Variants in SLC8A1 observed in about 807,000 individuals in gnomAD.
SLC8A1 encodes sodium/calcium exchanger 1.
A neutral mutation model predicts 68.3 loss-of-function variants in SLC8A1; 18 were observed. That is an observed-to-expected ratio of 0.26 (90% confidence interval 0.18 to 0.39). The LOEUF is 0.39. Ranked by LOEUF, SLC8A1 falls within the 10% of genes least tolerant of loss-of-function variation. The probability of loss-of-function intolerance (pLI) is 1.00; values close to 1 mark genes in which losing one functional copy is unlikely to be tolerated. For missense variants in SLC8A1, 985 were observed against 1,156.7 expected, an observed-to-expected ratio of 0.85 and a Z score of 2.15; for synonymous variants, 475 against 415.5, an observed-to-expected ratio of 1.14 and a Z score of -1.74.
Position 40,509,953 on chromosome 2 carries a change from G to A in SLC8A1, c.-25+2396C>T, listed in dbSNP as rs113380621. 7.9e-3 allele frequency among the ~76,000 whole-genome samples: 1,202 copies of A among 151,730 alleles called. 18 individuals carry two copies. The highest frequency in any genetic ancestry group is 0.028 in the African/African-American group (1,144 of 41,382). ...AGCGATTCTCCTGCCTCAGCCTCCC[G>A]AGTAGCTGGGATTACAGGCATGCAC... On this transcript the variant is annotated intron_variant, in intron 1 of 7. Coordinates refer to the SLC8A1 transcript ENST00000402441.
chr2:40,346,809 C>T (rs1669497707), intron 2 of SLC8A1, among the ~76,000 whole-genome samples: 1 of 152,118 alleles, frequency 6.6e-6, no homozygotes, highest in East Asian at 1.9e-4. Flanking sequence ...GCTCAATGAT[C>T]TTTCTAGTTT....
At chr2:40,238,853 C>T (rs2060813299) in intron 2 of SLC8A1, among the ~76,000 whole-genome samples, 1 of 151,910 alleles carries the variant, frequency 6.6e-6, no homozygotes, top group Non-Finnish European at 1.5e-5. Context: ...CTGAAAGTAA[C>T]AATGTAGGTA....
chr2:40,192,263 C>T (rs1488113872), intron 2 of SLC8A1, among the ~76,000 whole-genome samples: 2 of 151,758 alleles, frequency 1.3e-5, no homozygotes, highest in African/African-American at 2.4e-5. Context: ...ATATATGGGG[C>T]ATTAATATGA....
At chr2:40,470,768 G>A (rs1032542803) in intron 1 of SLC8A1, among the ~76,000 whole-genome samples, 31 of 151,678 alleles carry the variant, frequency 2.0e-4, no homozygotes, top group African/African-American at 7.5e-4. Context: ...CTTTCATTAA[G>A]ACTTAATTTT....
intron 2 of SLC8A1, among the ~76,000 whole-genome samples, chr2:40,341,684 C>G (rs1336233379): frequency 6.6e-6 from 1 of 152,134 alleles, no homozygotes; most frequent in Non-Finnish European, 1.5e-5. Flanking sequence ...ACCTGCTTCT[C>G]AAGGCTGTTT....
intron 2 of SLC8A1, among the ~76,000 whole-genome samples, chr2:40,190,988 TA>T (rs774357032): frequency 1.3e-5 from 2 of 152,002 alleles, no homozygotes; most frequent in Non-Finnish European, 2.9e-5. Flanking sequence ...TTTAAAGGAA[TA>T]TTCATTTTCT....
intron 2 of SLC8A1, among the ~76,000 whole-genome samples, chr2:40,215,149 T>C (rs2148803611): frequency 6.6e-6 from 1 of 152,278 alleles, no homozygotes; most frequent in East Asian, 1.9e-4. Context: ...AAGAGCTCAA[T>C]ATATGCTAAT....
chr2:40,476,640 A>C (rs953889406), intron 1 of SLC8A1, among the ~76,000 whole-genome samples: 2 of 152,296 alleles, frequency 1.3e-5, no homozygotes, highest in African/African-American at 4.8e-5. Flanking sequence ...TAATTTCCTG[A>C]GGTCAGAAGA....
intron 1 of SLC8A1, among the ~76,000 whole-genome samples, chr2:40,471,708 G>A (rs1022204372): frequency 3.3e-5 from 5 of 152,064 alleles, no homozygotes; most frequent in Non-Finnish European, 5.9e-5. Flanking sequence ...AAAGTTGACA[G>A]GAAATCTGAA....
At chr2:40,324,826 G>T (rs901070754) in intron 2 of SLC8A1, among the ~76,000 whole-genome samples, 3 of 152,152 alleles carry the variant, frequency 2.0e-5, no homozygotes, top group African/African-American at 7.2e-5. Flanking sequence ...TGTCGCAGTA[G>T]CATGTTTTGC....
chr2:40,458,734 T>A (rs1294347262), intron 1 of SLC8A1, among the ~76,000 whole-genome samples: 2 of 152,200 alleles, frequency 1.3e-5, no homozygotes, highest in Non-Finnish European at 2.9e-5. Context: ...TTGTCAGTTA[T>A]CTCAGGAATT....
chr2:40,405,260 G>C (rs1449136567), intron 2 of SLC8A1, among the ~76,000 whole-genome samples: 1 of 152,180 alleles, frequency 6.6e-6, no homozygotes, highest in Non-Finnish European at 1.5e-5. Flanking sequence ...GCTAGGGCAA[G>C]AATAGTGGCT....
At position 40,217,535 on chromosome 2, in the gene SLC8A1, T is replaced by C. The variant is rs1049711368; in HGVS notation, c.1809-39680A>G. Among the ~76,000 whole-genome samples the C allele has an allele frequency of 4.6e-5, 7 of 152,296 alleles. No individual in the cohort carries two copies. In the South Asian group the frequency reaches 8.3e-4, roughly 18 times the overall value. On this transcript the variant is annotated intron_variant, in intron 2 of 7. Coordinates refer to ENST00000406785, the Ensembl canonical transcript of SLC8A1. ...CTCTACACTCAAGGTTTTCTTTCTG[T>C]TGTTGTTGTGTAGGCAACACAATAG...
At chr2:40,485,301 T>C (rs1438168331) in intron 1 of SLC8A1, among the ~76,000 whole-genome samples, 1 of 152,200 alleles carries the variant, frequency 6.6e-6, no homozygotes, top group African/African-American at 2.4e-5. Flanking sequence ...TCTTAGGCGA[T>C]TGTAGAACTT....
At chr2:40,453,678 T>A (rs1702816359), upstream of SLC8A1, among the ~76,000 whole-genome samples, 1 of 152,178 alleles carries the variant, frequency 6.6e-6, no homozygotes, top group Non-Finnish European at 1.5e-5. Context: ...TTGATTCCTA[T>A]GTGCAATGAA....
chr2:40,175,506 A>G (rs376775004), intron 3 of SLC8A1, among the ~76,000 whole-genome samples: 29 of 151,092 alleles, frequency 1.9e-4, no homozygotes, highest in Non-Finnish European at 2.4e-4. Context: ...ACATACGTAT[A>G]TGTGTGTGTG....
At chr2:40,136,345 T>C (rs1481691012) in intron 7 of SLC8A1, among the ~76,000 whole-genome samples, 2 of 152,174 alleles carry the variant, frequency 1.3e-5, no homozygotes, top group Non-Finnish European at 2.9e-5. Context: ...GGAAGAAGCT[T>C]TGTCTCACTT....
At chr2:40,172,208 G>C (rs911764702) in intron 4 of SLC8A1, among the ~76,000 whole-genome samples, 2 of 152,174 alleles carry the variant, frequency 1.3e-5, no homozygotes, top group African/African-American at 4.8e-5. Context: ...GTCCTCAGGA[G>C]CATCAGTAGA....
At chr2:40,340,624 C>T (rs559354904) in intron 2 of SLC8A1, among the ~76,000 whole-genome samples, 73 of 152,274 alleles carry the variant, frequency 4.8e-4, no homozygotes, top group African/African-American at 1.7e-3. Context: ...GTTACCCATG[C>T]CCTTCCCAGG....
Sources: allele counts gnomAD v4.1 joint callset (sites outside exome capture counted in the v4.1 genomes callset), GRCh38; gene constraint gnomAD v4.1.1; transcripts MANE v1.5; gene names NCBI Gene and HGNC (gene_info 2026-07-23, HGNC 2026-07-21).